Variants in SCARB2 observed in about 807,000 individuals in gnomAD.
The protein encoded by SCARB2 is lysosome membrane protein 2.
In SCARB2, 29 loss-of-function variants were observed where a neutral mutation model predicts 58.6. The observed-to-expected ratio is 0.49, with a 90% CI of 0.37 to 0.67. The LOEUF is 0.67. Among genes scored for constraint, SCARB2 ranks in the 30% least tolerant of loss-of-function variants. The pLI is 0.00. For synonymous variants in SCARB2, 195 were observed against 210.1 expected (o/e 0.93, Z 0.62); for missense variants, 488 against 578.5 (o/e 0.84, Z 1.60).
chr4:76,182,125 C>G (rs1050353851), intron 2 of SCARB2, among the ~76,000 whole-genome samples: 2 of 152,216 alleles, frequency 1.3e-5, no homozygotes, highest in Non-Finnish European at 2.9e-5. Context: ...ATGCCTCACA[C>G]TAGCCCTAGC....
At chr4:76,176,786 GA>G (rs1732259686) in intron 4 of SCARB2, 1 of 367,550 alleles carries the variant, frequency 2.7e-6, no homozygotes. Context: ...TTCTCCTCAA[GA>G]CTGCAACATC....
chr4:76,182,965 C>T (rs1476636058), intron 2 of SCARB2, among the ~76,000 whole-genome samples: 1 of 152,164 alleles, frequency 6.6e-6, no homozygotes, highest in Non-Finnish European at 1.5e-5. Flanking sequence ...GAAGTCAAAA[C>T]ATCATTCAAG....
chr4:76,234,393 A>G (rs1733547322), exon 1 of SCARB2: 1 of 152,364 alleles, frequency 6.6e-6, no homozygotes, highest in Admixed American at 6.5e-5. Context: ...CATGGCCACA[A>G]AAATTCAGGC....
chr4:76,219,175 A>G (rs1733265743), intron 1 of SCARB2, among the ~76,000 whole-genome samples: 2 of 152,204 alleles, frequency 1.3e-5, no homozygotes, highest in African/African-American at 4.8e-5. Flanking sequence ...AAAATAAGCA[A>G]TGGCACTGGA....
intron 7 of SCARB2, among the ~76,000 whole-genome samples, chr4:76,171,898 T>C (rs1259964173): frequency 6.6e-6 from 1 of 151,922 alleles, no homozygotes; most frequent in Non-Finnish European, 1.5e-5. Context: ...TTGTTAAAAG[T>C]GTAGATTCTG....
chr4:76,207,661 T>A (rs1732955627), intron 1 of SCARB2, among the ~76,000 whole-genome samples: 2 of 152,238 alleles, frequency 1.3e-5, no homozygotes. Flanking sequence ...ATAGTGCATA[T>A]CTTGATGATA....
chr4:76,227,365 GTTAA>G (rs1301841058), intron 1 of SCARB2, among the ~76,000 whole-genome samples: 2 of 152,138 alleles, frequency 1.3e-5, no homozygotes, highest in Non-Finnish European at 2.9e-5. Context: ...TCCTTTTGGA[GTTAA>G]TTTTCAGTTT....
chr4:76,218,764 T>TA (rs1231739859), upstream of SCARB2, among the ~76,000 whole-genome samples: 1 of 152,212 alleles, frequency 6.6e-6, no homozygotes, highest in African/African-American at 2.4e-5. Context: ...TAGTGTTGTC[T>TA]AACTAATAGA....
intron 5 of SCARB2, 120 bp from the exon 6 acceptor site, chr4:76,176,030 C>T (rs1732245296): frequency 1.6e-6 from 2 of 1,216,768 alleles, no homozygotes; most frequent in Non-Finnish European, 1.2e-6. Context: ...CTTATTCATA[C>T]ACAGACACAA....
intron 2 of SCARB2, among the ~76,000 whole-genome samples, chr4:76,183,204 T>G (rs1237480469): frequency 6.6e-6 from 1 of 152,220 alleles, no homozygotes; most frequent in Non-Finnish European, 1.5e-5. Context: ...CTGAGACTTC[T>G]GGTCACCAAG....
intron 8 of SCARB2, 118 bp from the exon 9 acceptor site, chr4:76,168,594 A>G (rs1193975471): frequency 9.8e-6 from 8 of 815,128 alleles, no homozygotes; most frequent in African/African-American, 1.7e-5. Flanking sequence ...ACCATGTGTG[A>G]CAGGCAGAGT....
chr4:76,194,825 G>A (rs571125469), intron 2 of SCARB2: 4 of 152,150 alleles, frequency 2.6e-5, no homozygotes, highest in South Asian at 2.1e-4. Flanking sequence ...TGATTCAAGC[G>A]TCTCCCTCTA....
intron 1 of SCARB2, among the ~76,000 whole-genome samples, chr4:76,233,588 A>ACACACACACACG (rs1733529765): frequency 1.7e-3 from 1 of 590 alleles, no homozygotes; most frequent in Admixed American, 0.056. Context: ...ACACACACGC[A>ACACACACACACG]CACACACACA....
At chr4:76,171,796 G>C (rs555537617) in intron 7 of SCARB2, among the ~76,000 whole-genome samples, 1 of 152,152 alleles carries the variant, frequency 6.6e-6, no homozygotes, top group East Asian at 1.9e-4. Context: ...ATTCACCCTT[G>C]GTCTTTATCT....
At chr4:76,207,540 A>G (rs912984968) in intron 1 of SCARB2, among the ~76,000 whole-genome samples, 1 of 152,240 alleles carries the variant, frequency 6.6e-6, no homozygotes, top group African/African-American at 2.4e-5. Flanking sequence ...CCAAAAGTGC[A>G]TTTAGATATA....
In SCARB2 at chr4:76,163,468, C is replaced by T; in HGVS notation, c.1240-85G>A. The T allele has an allele frequency of 3.3e-6, 5 of 1,498,036 alleles. No individual in the cohort carries two copies. In the South Asian group the frequency reaches 4.6e-5, roughly 14 times the overall value. The allele number at this position is 1,498,036 out of a possible 1,614,324, so 92.8% of individuals were successfully genotyped here. On this transcript the variant is annotated intron_variant, in intron 10 of 11. Coordinates refer to ENST00000264896, the MANE Select transcript of SCARB2 (RefSeq NM_005506.4). Reference sequence around the variant, plus strand: ...TGCTATATCTTTCCTTTGTTTAATACAATTTGGGAATGTCCTCCTGTTAGC... The same window carrying T: ...TGCTATATCTTTCCTTTGTTTAATATAATTTGGGAATGTCCTCCTGTTAGC...
intron 4 of SCARB2, among the ~76,000 whole-genome samples, chr4:76,178,287 A>C (rs774846830): frequency 6.6e-6 from 1 of 152,236 alleles, no homozygotes; most frequent in Non-Finnish European, 1.5e-5. Context: ...TAATAATAGG[A>C]GTGAACAATT....
chr4:76,219,314 G>C (rs1255571323), intron 1 of SCARB2, among the ~76,000 whole-genome samples: 1 of 152,162 alleles, frequency 6.6e-6, no homozygotes, highest in Non-Finnish European at 1.5e-5. Context: ...CAGTCCGGTG[G>C]CCAAAAATAT....
chr4:76,178,353 A>C (rs1206800420), intron 4 of SCARB2, among the ~76,000 whole-genome samples: 2 of 152,236 alleles, frequency 1.3e-5, no homozygotes, highest in African/African-American at 2.4e-5. Context: ...TCATCTCATG[A>C]AATCCTCACA....
Sources: allele counts gnomAD v4.1 joint callset (sites outside exome capture counted in the v4.1 genomes callset), GRCh38; gene constraint gnomAD v4.1.1; transcripts MANE v1.5; gene names NCBI Gene and HGNC (gene_info 2026-07-23, HGNC 2026-07-21).